Variants in SUMF1 observed in about 807,000 individuals in gnomAD.
The protein encoded by SUMF1 is sulfatase modifying factor 1.
Under a neutral mutation model 47.6 loss-of-function variants are expected in SUMF1, and 48 were observed. The observed-to-expected ratio is 1.01, with a 90% confidence interval of 0.80 to 1.28. The LOEUF is 1.28. Among genes scored for constraint, SUMF1 ranks in the 50% most tolerant of loss-of-function variants. SUMF1 has a pLI of 0.00. For synonymous variants in SUMF1, 230 were observed against 192.1 expected (o/e 1.20, Z -1.63); for missense variants, 571 against 485.4 (o/e 1.18, Z -1.66).
chr3:4,264,512 T>A (rs1445069079), intron 8 of SUMF1, among the ~76,000 whole-genome samples: 3 of 152,214 alleles, frequency 2.0e-5, no homozygotes, highest in Non-Finnish European at 4.4e-5. Context: ...CACTTTTTTT[T>A]TATACACGAC....
Position 4,410,940 on chromosome 3 carries a change from G to C in SUMF1, c.879C>G (p.Asn293Lys). The C allele has an allele frequency of 6.2e-7, 1 of 1,614,020 alleles. No individual in the cohort carries two copies. Among genetic ancestry groups the C allele is most frequent in the South Asian group, 1.1e-5 (1 of 91,084 alleles). The change falls in exon 7 of 9, where the codon AAC (asparagine) becomes AAG (lysine). Residue 293 changes from asparagine (N) to lysine (K), a missense_variant. Coordinates refer to ENST00000272902, the MANE Select transcript of SUMF1 (RefSeq NM_182760.4). Reference sequence around the variant, plus strand: ...TCCATTCCCATGCGTTCCCCACTATGTTGTATAAGCCATAACCATTGGGAG... The same window carrying C: ...TCCATTCCCATGCGTTCCCCACTATCTTGTATAAGCCATAACCATTGGGAG... ...AFPPNGYGLYNIVGNAWEWTS... is the reference protein window; with the variant it reads ...AFPPNGYGLYKIVGNAWEWTS...
chr3:4,250,310 G>A (rs1356261010), intron 8 of SUMF1, among the ~76,000 whole-genome samples: 1 of 148,956 alleles, frequency 6.7e-6, no homozygotes, highest in African/African-American at 2.5e-5. Flanking sequence ...GAGGGAAGGA[G>A]GGAGAGAAGA....
intron 8 of SUMF1, among the ~76,000 whole-genome samples, chr3:4,117,338 C>G (rs562935089): frequency 1.4e-3 from 217 of 151,544 alleles, no homozygotes; most frequent in Middle Eastern, 3.4e-3. Context: ...CAGAATACAA[C>G]AAGTGTAAAG....
At chr3:4,034,614 C>T (rs957947495) in intron 9 of SUMF1, among the ~76,000 whole-genome samples, 8 of 152,022 alleles carry the variant, frequency 5.3e-5, no homozygotes, top group African/African-American at 1.7e-4. Context: ...TTGAGAAACC[C>T]TTTGTAGAGA....
intron 8 of SUMF1, among the ~76,000 whole-genome samples, chr3:4,095,275 C>T (rs561463498): frequency 6.6e-5 from 10 of 152,182 alleles, no homozygotes; most frequent in African/African-American, 2.4e-4. Flanking sequence ...CATAGGGCAC[C>T]ATAAGCAACA....
intron 8 of SUMF1, among the ~76,000 whole-genome samples, chr3:4,133,640 C>T (rs994805141): frequency 1.3e-5 from 2 of 152,046 alleles, no homozygotes; most frequent in Non-Finnish European, 2.9e-5. Context: ...CCTAGCCTTT[C>T]ACCCTACATC....
intron 7 of SUMF1, among the ~76,000 whole-genome samples, chr3:4,404,873 A>G (rs1416163958): frequency 6.6e-6 from 1 of 152,202 alleles, no homozygotes; most frequent in Non-Finnish European, 1.5e-5. Flanking sequence ...CTAGGTACTC[A>G]ATGAATGCTT....
intron 7 of SUMF1, among the ~76,000 whole-genome samples, chr3:4,407,135 T>A (rs1163421742): frequency 6.6e-6 from 1 of 151,822 alleles, no homozygotes; most frequent in Non-Finnish European, 1.5e-5. Context: ...GCTGACCTTT[T>A]TTTCCCATGG....
chr3:4,145,761 T>C (rs1427209459), intron 8 of SUMF1, among the ~76,000 whole-genome samples: 2 of 152,180 alleles, frequency 1.3e-5, no homozygotes, highest in African/African-American at 4.8e-5. Flanking sequence ...TCTAGTTGTT[T>C]TGTATTCAAG....
At chr3:4,058,152 C>T (rs1217147853) in intron 9 of SUMF1, among the ~76,000 whole-genome samples, 1 of 152,134 alleles carries the variant, frequency 6.6e-6, no homozygotes, top group African/African-American at 2.4e-5. Flanking sequence ...CCCAAGATCA[C>T]ACAGATAGTA....
At chr3:4,214,640 T>G (rs1358650628) in intron 8 of SUMF1, among the ~76,000 whole-genome samples, 1 of 151,894 alleles carries the variant, frequency 6.6e-6, no homozygotes, top group Non-Finnish European at 1.5e-5. Context: ...AAAGATCAAC[T>G]AAATAGATAG....
At chr3:4,183,370 T>C (rs1267034306) in intron 8 of SUMF1, among the ~76,000 whole-genome samples, 1 of 152,184 alleles carries the variant, frequency 6.6e-6, no homozygotes, top group African/African-American at 2.4e-5. Context: ...CCTTTAATTA[T>C]AGTCCTGATG....
chr3:4,149,774 C>A (rs1416617795), intron 8 of SUMF1, among the ~76,000 whole-genome samples: 3 of 152,094 alleles, frequency 2.0e-5, no homozygotes, highest in Non-Finnish European at 4.4e-5. Flanking sequence ...TGCTCCCTGG[C>A]CTGTGGACGT....
At chr3:4,464,207 G>GTA (rs1421702767) in intron 1 of SUMF1, among the ~76,000 whole-genome samples, 2 of 152,002 alleles carry the variant, frequency 1.3e-5, no homozygotes, top group Non-Finnish European at 2.9e-5. Context: ...TTCTTGGAAT[G>GTA]TCCTTGAATC....
intron 8 of SUMF1, among the ~76,000 whole-genome samples, chr3:4,238,046 C>T (rs1273399198): frequency 6.6e-6 from 1 of 151,868 alleles, no homozygotes; most frequent in African/African-American, 2.4e-5. Flanking sequence ...TTTTCTGTTC[C>T]TGTGTTAGTT....
chr3:4,378,220 C>T (rs1486209428), intron 7 of SUMF1, among the ~76,000 whole-genome samples: 2 of 152,142 alleles, frequency 1.3e-5, no homozygotes, highest in African/African-American at 4.8e-5. Context: ...TGTAGTTGGG[C>T]AAATCATCTA....
At chr3:4,323,620 G>A (rs1409202619) in intron 8 of SUMF1, among the ~76,000 whole-genome samples, 3 of 152,128 alleles carry the variant, frequency 2.0e-5, no homozygotes, top group African/African-American at 7.2e-5. Flanking sequence ...GAATGAGGAG[G>A]AGGACAACAA....
At chr3:4,242,420 G>C (rs770575764) in intron 8 of SUMF1, among the ~76,000 whole-genome samples, 7 of 152,046 alleles carry the variant, frequency 4.6e-5, no homozygotes, top group Non-Finnish European at 1.0e-4. Context: ...GTTTGTCATA[G>C]ATAGCTCTTA....
At chr3:4,344,036 G>C (rs904987645) in intron 8 of SUMF1, among the ~76,000 whole-genome samples, 1 of 152,200 alleles carries the variant, frequency 6.6e-6, no homozygotes, top group Non-Finnish European at 1.5e-5. Context: ...ACTCAATTTT[G>C]TTTTATAAAA....
Sources: allele counts gnomAD v4.1 joint callset (sites outside exome capture counted in the v4.1 genomes callset), GRCh38; gene constraint gnomAD v4.1.1; transcripts MANE v1.5; gene names NCBI Gene and HGNC (gene_info 2026-07-23, HGNC 2026-07-21).